Variants in GPC3 observed in about 807,000 individuals in gnomAD.
The protein encoded by GPC3 is glypican-3.
Under a neutral mutation model 34.4 loss-of-function variants are expected in GPC3, and 3 were observed. The ratio of observed to expected loss-of-function variants is 0.09; its 90% CI spans 0.04 to 0.23. The LOEUF is 0.23. GPC3 is among the 10% of genes least tolerant of loss of function. The pLI is 1.00. For synonymous variants in GPC3, 177 were observed against 174.0 expected (o/e 1.02, Z -0.13); for missense variants, 351 against 445.6 (o/e 0.79, Z 1.91).
intron 6 of GPC3, among the ~76,000 whole-genome samples, chrX:133,621,331 C>T (rs62601591): frequency 5.4e-5 from 6 of 111,551 alleles, no homozygotes; most frequent in African/African-American, 6.5e-5. Context: ...GTCCACGGAG[C>T]GTGAGCCGAA....
intron 7 of GPC3, among the ~76,000 whole-genome samples, chrX:133,577,703 T>C (rs1234302954): frequency 8.9e-6 from 1 of 112,282 alleles, no homozygotes; most frequent in Non-Finnish European, 1.9e-5. Flanking sequence ...TAATTCCTAT[T>C]CCTACTGATG....
chrX:133,915,292 C>G lies in GPC3; in HGVS notation c.337+37758G>C, dbSNP rs149487115. ...GGGTTCAAGCAATTCTCCTGCCTCA[C>G]CCTCCCAAGCAGCTAGGATTACAGG... On this transcript the variant is annotated intron_variant, in intron 2 of 7. Transcript: ENST00000370818. Among the ~76,000 whole-genome samples, 593 of 110,014 alleles carry G rather than the reference C, an allele frequency of 5.4e-3. 6 individuals carry two copies. The highest frequency in any genetic ancestry group is 0.019 in the African/African-American group (563 of 30,269).
At chrX:133,536,679 C>T (rs913634334) in intron 7 of GPC3, among the ~76,000 whole-genome samples, 4 of 110,470 alleles carry the variant, frequency 3.6e-5, no homozygotes, top group Non-Finnish European at 7.6e-5. Context: ...GGTATCAAAA[C>T]GTAAGATGCC....
chrX:133,685,560 G>A (rs768036844), intron 5 of GPC3, among the ~76,000 whole-genome samples: 2 of 110,174 alleles, frequency 1.8e-5, no homozygotes, highest in South Asian at 3.9e-4. Flanking sequence ...CAAAGTGTGT[G>A]TGTGTGTGTA....
chrX:133,665,121 C>T (rs989095922), intron 5 of GPC3, among the ~76,000 whole-genome samples: 1 of 111,767 alleles, frequency 8.9e-6, no homozygotes, highest in Non-Finnish European at 1.9e-5. Flanking sequence ...TCCTTGTATA[C>T]TGATTTTCAC....
At chrX:133,812,443 A>G (rs1025416705) in intron 2 of GPC3, among the ~76,000 whole-genome samples, 1 of 112,253 alleles carries the variant, frequency 8.9e-6, no homozygotes, top group Non-Finnish European at 1.9e-5. Context: ...CATGATTTCC[A>G]TAAGCCCTAT....
chrX:133,673,053 G>A (rs906880017), intron 5 of GPC3, among the ~76,000 whole-genome samples: 2 of 109,425 alleles, frequency 1.8e-5, no homozygotes, highest in Non-Finnish European at 3.8e-5. Flanking sequence ...GCAATTCTCT[G>A]CCTCAGCCTC....
At chrX:133,627,657 C>T (rs1417186042) in intron 6 of GPC3, among the ~76,000 whole-genome samples, 1 of 112,673 alleles carries the variant, frequency 8.9e-6, no homozygotes, top group Non-Finnish European at 1.9e-5. Context: ...ACTTCTAAAA[C>T]TGGCTAAGTG....
chrX:133,586,217 G>C (rs182841971), intron 7 of GPC3, among the ~76,000 whole-genome samples: 1 of 111,540 alleles, frequency 9.0e-6, no homozygotes, highest in African/African-American at 3.3e-5. Flanking sequence ...TAATTCCCTA[G>C]CCAACATTAA....
intron 5 of GPC3, among the ~76,000 whole-genome samples, chrX:133,674,267 A>G (rs1035541602): frequency 9.0e-6 from 1 of 111,317 alleles, no homozygotes; most frequent in Non-Finnish European, 1.9e-5. Context: ...GAGAAGAAAT[A>G]AACCTTGCAA....
At chrX:133,857,396 A>G (rs187121758) in intron 2 of GPC3, among the ~76,000 whole-genome samples, 1 of 112,365 alleles carries the variant, frequency 8.9e-6, no homozygotes, top group Non-Finnish European at 1.9e-5. Context: ...CCTGCTAGGT[A>G]TAACTACCTA....
At chrX:133,917,111 C>CCTAT (rs2076228436) in intron 2 of GPC3, among the ~76,000 whole-genome samples, 1 of 111,799 alleles carries the variant, frequency 8.9e-6, no homozygotes, top group Admixed American at 9.5e-5. Context: ...GGTGCAAATG[C>CCTAT]CTATCTCCAT....
chrX:133,808,958 T>C (rs1316974652), intron 2 of GPC3, among the ~76,000 whole-genome samples: 1 of 112,133 alleles, frequency 8.9e-6, no homozygotes, highest in Admixed American at 9.5e-5. Context: ...TCCAAATGCA[T>C]TAGAAAAGTT....
chrX:133,622,516 G>A (rs189013550), intron 6 of GPC3, among the ~76,000 whole-genome samples: 15 of 112,129 alleles, frequency 1.3e-4, no homozygotes, highest in Admixed American at 7.5e-4. Context: ...CAAGAACTAC[G>A]TGATGCATGC....
intron 3 of GPC3, among the ~76,000 whole-genome samples, chrX:133,734,524 T>C (rs548437586): frequency 1.9e-5 from 2 of 105,599 alleles, no homozygotes; most frequent in Admixed American, 2.1e-4. Flanking sequence ...GACATTGTAC[T>C]GGAGGTTCAA....
At chrX:133,657,094 G>C in intron 6 of GPC3, among the ~76,000 whole-genome samples, 1 of 111,983 alleles carries the variant, frequency 8.9e-6, no homozygotes, top group East Asian at 2.8e-4. Flanking sequence ...CAAGTGGGCA[G>C]GTATTGACTA....
chrX:133,672,999 T>C (rs1437290595), intron 5 of GPC3, among the ~76,000 whole-genome samples: 2 of 104,522 alleles, frequency 1.9e-5, no homozygotes, highest in Non-Finnish European at 1.9e-5. Flanking sequence ...TGGAGTGCAA[T>C]GGCGCAATCT....
At chrX:133,867,030 T>C (rs1246579216) in intron 2 of GPC3, among the ~76,000 whole-genome samples, 3 of 110,332 alleles carry the variant, frequency 2.7e-5, no homozygotes, top group African/African-American at 9.9e-5. Flanking sequence ...AAACCCTGTC[T>C]CTATTAAAAA....
intron 6 of GPC3, among the ~76,000 whole-genome samples, chrX:133,656,481 T>C (rs886423783): frequency 5.4e-5 from 6 of 111,936 alleles, no homozygotes; most frequent in Non-Finnish European, 9.4e-5. Flanking sequence ...GAAATGTAAG[T>C]AATAATGCCT....
Sources: gnomAD v4.1 joint callset for allele counts (sites outside exome capture counted in the v4.1 genomes callset) on GRCh38, gnomAD v4.1.1 for gene constraint, MANE v1.5 for transcripts, NCBI Gene and HGNC (gene_info 2026-07-23, HGNC 2026-07-21) for gene names.